FAM78B: variants seen among roughly 807,000 people sequenced by gnomAD.
The protein encoded by FAM78B is protein FAM78B.
A neutral mutation model predicts 20.0 loss-of-function variants in FAM78B; 10 were observed. The ratio of observed to expected loss-of-function variants is 0.50; its 90% confidence interval spans 0.31 to 0.85. FAM78B has a LOEUF of 0.85. Among genes scored for constraint, FAM78B ranks in the 40% least tolerant of loss-of-function variants. FAM78B has a pLI of 0.05. For synonymous variants in FAM78B, 135 were observed against 132.8 expected (o/e 1.02, Z -0.12); for missense variants, 283 against 345.0 (o/e 0.82, Z 1.42).
At chr1:166,119,982 G>A (rs1177407771) in intron 1 of FAM78B, among the ~76,000 whole-genome samples, 2 of 152,204 alleles carry the variant, frequency 1.3e-5, no homozygotes, top group Non-Finnish European at 2.9e-5. Flanking sequence ...CTCAGCCTGT[G>A]GATCTACTGT....
chr1:166,122,208 G>C (rs1654487647), intron 1 of FAM78B, among the ~76,000 whole-genome samples: 1 of 152,156 alleles, frequency 6.6e-6, no homozygotes, highest in Admixed American at 6.5e-5. Flanking sequence ...TAGTCTGAGG[G>C]CATCGGTGGT....
chr1:166,123,459 G>A (rs543109367), intron 1 of FAM78B, among the ~76,000 whole-genome samples: 18 of 152,258 alleles, frequency 1.2e-4, no homozygotes, highest in Non-Finnish European at 2.2e-4. Context: ...TGGTATCCTC[G>A]TCTCCAACCT....
At chr1:166,079,683 CCT>C (rs1652489927) in intron 1 of FAM78B, among the ~76,000 whole-genome samples, 1 of 152,178 alleles carries the variant, frequency 6.6e-6, no homozygotes, top group Non-Finnish European at 1.5e-5. Flanking sequence ...GTCCAAGAAT[CCT>C]CAATGTAAAC....
intron 1 of FAM78B, among the ~76,000 whole-genome samples, chr1:166,089,179 G>A (rs1466992478): frequency 6.6e-6 from 1 of 152,108 alleles, no homozygotes; most frequent in Non-Finnish European, 1.5e-5. Flanking sequence ...CTCCTCCCAC[G>A]CTGAACGAAA....
chr1:166,136,581 G>A (rs1005185753), intron 1 of FAM78B, among the ~76,000 whole-genome samples: 1 of 152,088 alleles, frequency 6.6e-6, no homozygotes, highest in African/African-American at 2.4e-5. Context: ...TTACCGATAA[G>A]TAATGGCAAA....
intron 1 of FAM78B, among the ~76,000 whole-genome samples, chr1:166,109,425 T>C (rs909021790): frequency 6.6e-6 from 1 of 152,064 alleles, no homozygotes; most frequent in Non-Finnish European, 1.5e-5. Context: ...ACATCACTAA[T>C]GATCAGGGAA....
chr1:166,073,193 A>G (rs962653825), intron 1 of FAM78B, among the ~76,000 whole-genome samples: 36 of 152,198 alleles, frequency 2.4e-4, no homozygotes, highest in African/African-American at 8.7e-4. Flanking sequence ...CAGAACAAAC[A>G]CATCTGGCCA....
chr1:166,110,237 A>G (rs990091464), intron 1 of FAM78B, among the ~76,000 whole-genome samples: 1 of 151,608 alleles, frequency 6.6e-6, no homozygotes, highest in Non-Finnish European at 1.5e-5. Context: ...GTAACCCAAT[A>G]CCACCTGTAC....
chr1:166,130,299 G>A (rs891914349), intron 1 of FAM78B, among the ~76,000 whole-genome samples: 8 of 152,238 alleles, frequency 5.3e-5, no homozygotes, highest in Admixed American at 4.6e-4. Flanking sequence ...GGACCACATA[G>A]GGATGTGGAT....
intron 1 of FAM78B, among the ~76,000 whole-genome samples, chr1:166,135,341 C>T (rs1301751168): frequency 1.3e-5 from 2 of 152,228 alleles, no homozygotes; most frequent in African/African-American, 4.8e-5. Context: ...AGAACAATTC[C>T]TCTTTGGACA....
chr1:166,129,652 T>G (rs1654798509), intron 1 of FAM78B, among the ~76,000 whole-genome samples: 1 of 152,218 alleles, frequency 6.6e-6, no homozygotes. Context: ...AACCCTTTTC[T>G]CTGAGCTCCA....
intron 1 of FAM78B, among the ~76,000 whole-genome samples, chr1:166,116,246 T>C (rs1199389195): frequency 6.6e-6 from 1 of 152,200 alleles, no homozygotes; most frequent in African/African-American, 2.4e-5. Context: ...TCCTGTTGGC[T>C]TCTGGGCTCT....
intron 1 of FAM78B, among the ~76,000 whole-genome samples, chr1:166,118,066 A>G (rs1169829709): frequency 6.6e-6 from 1 of 152,038 alleles, no homozygotes; most frequent in African/African-American, 2.4e-5. Context: ...CCACAGCTCC[A>G]CTCCTGGAGA....
At chr1:166,092,964 G>A (rs567130493) in intron 1 of FAM78B, among the ~76,000 whole-genome samples, 5 of 152,164 alleles carry the variant, frequency 3.3e-5, no homozygotes, top group South Asian at 2.1e-4. Flanking sequence ...TTAAGTGGCC[G>A]GGCTGAAATC....
At chr1:166,102,275 T>C (rs527583222) in intron 1 of FAM78B, among the ~76,000 whole-genome samples, 218 of 152,264 alleles carry the variant, frequency 1.4e-3, no homozygotes, top group African/African-American at 4.7e-3. Context: ...TAAAGACCGT[T>C]GAGGCTAGGA....
downstream of FAM78B, among the ~76,000 whole-genome samples, chr1:166,069,134 C>T (rs1324086716): frequency 1.3e-5 from 2 of 152,018 alleles, no homozygotes; most frequent in Non-Finnish European, 2.9e-5. Flanking sequence ...AAATATACAG[C>T]GTATGTACAT....
chr1:166,084,523 C>T (rs1003461847), intron 1 of FAM78B, among the ~76,000 whole-genome samples: 1 of 152,160 alleles, frequency 6.6e-6, no homozygotes, highest in Non-Finnish European at 1.5e-5. Flanking sequence ...ATTTTCAGGG[C>T]CACAAGGGAA....
chr1:166,093,190 A>C (rs541800556), intron 1 of FAM78B, among the ~76,000 whole-genome samples: 5 of 152,324 alleles, frequency 3.3e-5, no homozygotes, highest in Non-Finnish European at 5.9e-5. Flanking sequence ...TCAAATATAT[A>C]TCTCTCCAGC....
intron 1 of FAM78B, among the ~76,000 whole-genome samples, chr1:166,165,706 A>C (rs949871501): frequency 2.0e-5 from 3 of 152,078 alleles, no homozygotes; most frequent in Middle Eastern, 3.4e-3. Context: ...CCGCCTCTCG[A>C]ACCCTCCTTG....
Sources: allele counts gnomAD v4.1 joint callset (sites outside exome capture counted in the v4.1 genomes callset), GRCh38; gene constraint gnomAD v4.1.1; transcripts MANE v1.5; gene names NCBI Gene and HGNC (gene_info 2026-07-23, HGNC 2026-07-21).